Variants in PGK1 observed in about 807,000 individuals in gnomAD.
The protein encoded by PGK1 is PRP 2.
In PGK1, 3 loss-of-function variants were observed where a neutral mutation model predicts 26.9. The observed-to-expected ratio is 0.11, with a 90% CI of 0.05 to 0.29. The LOEUF is 0.29. PGK1 is among the 10% of genes least tolerant of loss of function. PGK1 has a pLI of 1.00. For synonymous variants in PGK1, 125 were observed against 115.3 expected (o/e 1.08, Z -0.54); for missense variants, 270 against 314.7 (o/e 0.86, Z 1.07).
At chrX:78,125,744 G>T in intron 10 of PGK1, 46 bp from the exon 11 acceptor site, 1 of 1,060,255 alleles carries the variant, frequency 9.4e-7, no homozygotes, top group Non-Finnish European at 1.3e-6. Context: ...GGCTTACTGG[G>T]CCCTATAGTA....
At chrX:78,113,417 T>C (rs2078310721) in intron 2 of PGK1, among the ~76,000 whole-genome samples, 1 of 112,239 alleles carries the variant, frequency 8.9e-6, no homozygotes, top group Non-Finnish European at 1.9e-5. Flanking sequence ...CTTGTTGGTC[T>C]TGTCAGTTAA....
At chrX:78,115,485 G>A (rs1199248923) in intron 4 of PGK1, among the ~76,000 whole-genome samples, 2 of 110,989 alleles carry the variant, frequency 1.8e-5, no homozygotes, top group Non-Finnish European at 3.8e-5. Flanking sequence ...GTGAAACCCT[G>A]TTTCTACTAA....
chrX:78,104,299 T>C lies in PGK1; in HGVS notation c.-42T>C. On this transcript the variant is annotated 5_prime_UTR_variant, in exon 1 of 11. Transcript: ENST00000373316. ...CGCACGTCGGCAGTCGGCTCCCTCG[T>C]TGACCGAATCACCGACCTCTCTCCC... is the stretch of plus-strand genomic sequence containing the variant. The C allele has an allele frequency of 9.5e-7, 1 of 1,049,444 alleles. No individual in the cohort carries two copies. The highest frequency in any genetic ancestry group is 1.3e-6 in the Non-Finnish European group (1 of 748,938). 86.5% of individuals were successfully genotyped at this position (1,049,444 alleles called of 1,213,427 possible).
chrX:78,111,115 C>T (rs1361044458), intron 2 of PGK1, among the ~76,000 whole-genome samples: 6 of 106,804 alleles, frequency 5.6e-5, no homozygotes, highest in Admixed American at 2.0e-4. Flanking sequence ...GACAGGGCCT[C>T]GTTCTGTCGC....
At position 78,123,348 on chromosome X, in the gene PGK1, G is replaced by T. The variant is rs1557248252; in HGVS notation, c.910G>T (p.Ala304Ser). ...TGCCAAGACTGGCCAAGCCACTGTG[G>T]CTTCTGGCATACCTGCTGGCTGGAT... ...ENAKTGQATV[A>S]SGIPAGWMGL... The change falls in exon 8 of 11, where the codon GCT (alanine) becomes TCT (serine). Residue 304 changes from alanine to serine, a missense_variant. Transcript: ENST00000373316. The T allele has an allele frequency of 7.4e-6, 9 of 1,210,245 alleles. No homozygotes were observed. Among genetic ancestry groups the T allele is most frequent in the Non-Finnish European group, 1.0e-5 (9 of 894,094 alleles).
At chrX:78,120,007 C>A (rs1488445092) in intron 6 of PGK1, among the ~76,000 whole-genome samples, 1 of 111,167 alleles carries the variant, frequency 9.0e-6, no homozygotes, top group African/African-American at 3.3e-5. Flanking sequence ...TTTCTGTAGA[C>A]CTGGAATATG....
intron 6 of PGK1, among the ~76,000 whole-genome samples, chrX:78,121,170 T>C (rs1164272537): frequency 1.8e-5 from 2 of 112,554 alleles, no homozygotes; most frequent in African/African-American, 6.5e-5. Context: ...ACCCAATCTG[T>C]ATTCAGATGT....
At position 78,127,513 on chromosome X, in the gene PGK1, C is replaced by G. The variant is rs2078388554; in HGVS notation, c.*1683C>G. 1 of 111,863 alleles carries G rather than the reference C, an allele frequency of 8.9e-6. No homozygotes were observed. Among genetic ancestry groups the G allele is most frequent in the African/African-American group, 3.3e-5 (1 of 30,766 alleles). The allele number at this position is 111,863 out of a possible 1,213,427, so 9.2% of individuals were successfully genotyped here. ...TCACCTTTAGGGACAAAGAAATAAA[C>G]TTTTGGACAGGACCACAGAGCTAGT... On this transcript the variant is annotated 3_prime_UTR_variant, in exon 11 of 11. Transcript: ENST00000373316.
intron 1 of PGK1, among the ~76,000 whole-genome samples, chrX:78,108,512 A>G (rs1201117081): frequency 1.8e-5 from 2 of 112,231 alleles, no homozygotes; most frequent in African/African-American, 3.2e-5. Context: ...ATGTTTTACT[A>G]TAGAATTATT....
chrX:78,117,270 C>T, intron 4 of PGK1, 42 bp from the exon 5 acceptor site: 1 of 904,124 alleles, frequency 1.1e-6, no homozygotes, highest in Non-Finnish European at 1.6e-6. Flanking sequence ...TTATAGTTGT[C>T]TTTGGAGCCA....
chrX:78,123,470 A>C, intron 8 of PGK1, 96 bp downstream of exon 8: 1 of 682,961 alleles, frequency 1.5e-6, no homozygotes, highest in Non-Finnish European at 2.3e-6. Context: ...TTTTAAAACA[A>C]TCTCTATAGG....
At chrX:78,110,074 A>G (rs782651341) in intron 2 of PGK1, among the ~76,000 whole-genome samples, 157 bp downstream of exon 2, 1 of 112,230 alleles carries the variant, frequency 8.9e-6, no homozygotes, top group Admixed American at 9.4e-5. Context: ...TTTCTTATTT[A>G]TGAGAATATA....
intron 8 of PGK1, among the ~76,000 whole-genome samples, chrX:78,123,799 G>A (rs963485497): frequency 9.1e-6 from 1 of 110,363 alleles, no homozygotes; most frequent in Non-Finnish European, 1.9e-5. Flanking sequence ...CATAGAGACG[G>A]GGTTTCACCA....
Position 78,118,148 on chromosome X carries a change from C to A in PGK1, c.619C>A (p.Pro207Thr). The A allele has an allele frequency of 8.3e-7, 1 of 1,210,861 alleles. No homozygotes were observed. Among genetic ancestry groups the A allele is most frequent in the Non-Finnish European group, 1.1e-6 (1 of 894,842 alleles). The stretch of plus-strand genomic sequence containing the variant: ...AAAGGCCTTGGAGAGCCCAGAGCGA[C>A]CCTTCCTGGCCATCCTGGGCGGGTA... ...FAKALESPERPFLAILGGAKV... is the reference protein window; with the variant it reads ...FAKALESPERTFLAILGGAKV... The change falls in exon 6 of 11, where the codon CCC (proline) becomes ACC (threonine). Residue 207 changes from proline to threonine, a missense_variant. Around this residue, in one of 3 missense-constraint regions of PGK1, gnomAD observed 150 missense variants for 154.6 expected, o/e 0.97. Coordinates refer to ENST00000373316, the MANE Select transcript of PGK1 (RefSeq NM_000291.4).
rs2078389146 is a variant in PGK1 at position 78,127,671 on chromosome X, T to C, written c.*1841T>C. On this transcript the variant is annotated 3_prime_UTR_variant, in exon 11 of 11. Transcript: ENST00000373316. ...GACTCTATCCCTGACATGATGCTTC[T>C]AGACTATTTTGTTTAACCCTGGATA... 1 of 112,178 alleles carries C rather than the reference T, an allele frequency of 8.9e-6. No individual in the cohort carries two copies. The highest frequency in any genetic ancestry group is 1.9e-5 in the Non-Finnish European group (1 of 53,266). The allele number at this position is 112,178 out of a possible 1,213,427, so 9.2% of individuals were successfully genotyped here.
chrX:78,129,231 ATC>A lies in PGK1; in HGVS notation c.*3403_*3404del, dbSNP rs782014920. On this transcript the variant is annotated 3_prime_UTR_variant, in exon 11 of 11. Coordinates refer to ENST00000373316, the MANE Select transcript of PGK1 (RefSeq NM_000291.4). ...TACCCATGTGTGTACCTATCTATCTATCTATCTATCTATCTATCTATCTATCT... is the reference window on the plus strand; with the variant it reads ...TACCCATGTGTGTACCTATCTATCTATATCTATCTATCTATCTATCTATCT... 27 of 108,095 alleles carry A rather than the reference ATC, an allele frequency of 2.5e-4. No individual in the cohort carries two copies. The highest frequency in any genetic ancestry group is 9.1e-4 in the African/African-American group (27 of 29,640). The allele number at this position is 108,095 out of a possible 1,213,427, so 8.9% of individuals were successfully genotyped here. A position where few individuals can be genotyped will look rare whatever the true frequency, so the allele number is the denominator to read the frequency against.
In PGK1 at chrX:78,113,856, T is replaced by C; in HGVS notation, c.229T>C (p.Ser77Pro). 1.7e-6 allele frequency: 2 copies of C among 1,211,414 alleles called. No individual in the cohort carries two copies. The highest frequency in any genetic ancestry group is 2.2e-6 in the Non-Finnish European group (2 of 895,074). Residue 77 changes from serine to proline, a missense_variant, in exon 3 of 11, where the codon TCC becomes CCC. By Grantham distance (74) the Ser-to-Pro change is moderately conservative (BLOSUM62 -1). Transcript: ENST00000373316. ...TGGTGTGCCCATGCCTGACAAGTAC[T>C]CCTTAGAGCCAGTTGCTGTAGAACT... The part of the protein sequence containing the change: ...PDGVPMPDKY[S>P]LEPVAVELKS...
rs2078291546 is a variant in PGK1 at position 78,109,849 on chromosome X, T to TG, written c.66-17dup. On this transcript the variant is annotated splice_polypyrimidine_tract_variant and intron_variant, in intron 1 of 10. Transcript: ENST00000373316. ...TGGAACAGTAAGTTGATCATGGTCT[T>TG]GCATCTTTCTTTTTTAGAGTCGACT... 2.6e-6 allele frequency: 3 copies of TG among 1,153,688 alleles called. No homozygotes were observed. The highest frequency in any genetic ancestry group is 3.6e-6 in the Non-Finnish European group (3 of 842,266).
chrX:78,113,739 T>G lies in PGK1; in HGVS notation c.117-5T>G, dbSNP rs377649285. ...ATTCTGTTTGTTGTCTCTCTTTGGTTGCAGGATTAAGGCTGCTGTCCCAAG... is the reference window on the plus strand; with the variant it reads ...ATTCTGTTTGTTGTCTCTCTTTGGTGGCAGGATTAAGGCTGCTGTCCCAAG... On this transcript the variant is annotated splice_polypyrimidine_tract_variant and splice_region_variant and intron_variant, in intron 2 of 10. Coordinates refer to ENST00000373316, the MANE Select transcript of PGK1 (RefSeq NM_000291.4). 39 of 1,207,227 alleles carry G rather than the reference T, an allele frequency of 3.2e-5. No homozygotes were observed. Among genetic ancestry groups the G allele is most frequent in the Non-Finnish European group, 4.3e-5 (38 of 893,039 alleles).
Sources: allele counts gnomAD v4.1 joint callset (sites outside exome capture counted in the v4.1 genomes callset), GRCh38; gene constraint gnomAD v4.1.1; regional missense constraint gnomAD v4.1.1; transcripts MANE v1.5; gene names NCBI Gene and HGNC (gene_info 2026-07-23, HGNC 2026-07-21).